Variants in CTNNA3 observed in about 807,000 individuals in gnomAD.
CTNNA3 encodes the protein catenin alpha-3.
CTNNA3 carries 76 observed loss-of-function variants against 95.7 expected under a neutral mutation model. The observed-to-expected ratio is 0.79, with a 90% CI of 0.66 to 0.96. The LOEUF (loss-of-function observed/expected upper bound fraction) is 0.96, where lower values mean the gene tolerates loss of function less well. Among genes scored for constraint, CTNNA3 ranks in the 40% least tolerant of loss-of-function variants. The pLI, the probability that CTNNA3 is intolerant of heterozygous loss-of-function variation, is 0.00. For missense variants in CTNNA3, 1,191 were observed against 1,089.8 expected (o/e 1.09, Z -1.31); for synonymous variants, 431 against 374.4 (o/e 1.15, Z -1.74).
chr10:67,015,895 G>T (rs1852625626), intron 7 of CTNNA3, among the ~76,000 whole-genome samples: 1 of 151,804 alleles, frequency 6.6e-6, no homozygotes. Context: ...CTATGCTTGT[G>T]ACTTTGTTTT....
At chr10:66,528,404 A>G (rs1841344113) in intron 10 of CTNNA3, among the ~76,000 whole-genome samples, 1 of 152,056 alleles carries the variant, frequency 6.6e-6, no homozygotes, top group African/African-American at 2.4e-5. Context: ...GAACATCTAA[A>G]CTACGTTCAG....
At chr10:67,443,198 T>A (rs1239389084) in intron 5 of CTNNA3, among the ~76,000 whole-genome samples, 2 of 151,198 alleles carry the variant, frequency 1.3e-5, no homozygotes, top group African/African-American at 4.9e-5. Context: ...TCTATCGTTG[T>A]TGGACATTTG....
At chr10:66,035,818 T>C (rs1364899591) in intron 15 of CTNNA3, among the ~76,000 whole-genome samples, 1 of 151,978 alleles carries the variant, frequency 6.6e-6, no homozygotes, top group Non-Finnish European at 1.5e-5. Context: ...AAAGATGGAG[T>C]AGAAATGAAA....
intron 9 of CTNNA3, among the ~76,000 whole-genome samples, chr10:66,688,868 G>A (rs1204098728): frequency 2.0e-5 from 3 of 151,702 alleles, no homozygotes; most frequent in Non-Finnish European, 4.4e-5. Flanking sequence ...CAGCTACTGA[G>A]GAGGCTGAGG....
intron 7 of CTNNA3, among the ~76,000 whole-genome samples, chr10:67,073,037 C>T (rs965584166): frequency 3.9e-5 from 6 of 152,188 alleles, no homozygotes; most frequent in South Asian, 4.1e-4. Context: ...AGACACCTTC[C>T]GCCTAGGCCC....
intron 5 of CTNNA3, among the ~76,000 whole-genome samples, chr10:67,357,297 A>T (rs1045064027): frequency 6.6e-6 from 1 of 152,150 alleles, no homozygotes; most frequent in Non-Finnish European, 1.5e-5. Flanking sequence ...ACATGATGTT[A>T]TATCTCCCAG....
chr10:67,077,580 A>C (rs756358033), intron 7 of CTNNA3, among the ~76,000 whole-genome samples: 20 of 152,038 alleles, frequency 1.3e-4, no homozygotes, highest in Non-Finnish European at 2.6e-4. Flanking sequence ...CATTCATCTC[A>C]ACTCTTGTGA....
chr10:66,482,710 TCAGCAAATGTA>T (rs1420372657), intron 11 of CTNNA3, among the ~76,000 whole-genome samples: 17 of 152,170 alleles, frequency 1.1e-4, no homozygotes, highest in Non-Finnish European at 1.5e-5. Flanking sequence ...GTCAAAAACT[TCAGCAAATGTA>T]CAGGCCTAGT....
chr10:67,509,508 A>G (rs183682985), intron 5 of CTNNA3, among the ~76,000 whole-genome samples: 5 of 152,320 alleles, frequency 3.3e-5, no homozygotes, highest in South Asian at 2.1e-4. Flanking sequence ...ATGTCCCTGC[A>G]AAGGACATGA....
chr10:66,373,781 A>G (rs4433467), intron 12 of CTNNA3, among the ~76,000 whole-genome samples: 152,285 of 152,324 alleles, frequency 1, 76,123 homozygotes, highest in Non-Finnish European at 1. Context: ...AGGTTCAGTC[A>G]GATCTTTCAA....
At position 66,093,100 on chromosome 10, in the gene CTNNA3, C is replaced by CAGAT. The variant is rs903022405; in HGVS notation, c.1977+10053_1977+10056dup. Among the ~76,000 whole-genome samples the CAGAT allele has an allele frequency of 5.1e-4, 77 of 151,946 alleles. 1 individual carries two copies. Among genetic ancestry groups the CAGAT allele is most frequent in the African/African-American group, 1.8e-3 (74 of 41,482 alleles). Reference sequence around the variant, plus strand: ...TAAGATATTTGGTAAAAATCTTTCCCAGATTGAAATTTCAAGAAGCATTTA... The same window carrying CAGAT: ...TAAGATATTTGGTAAAAATCTTTCCCAGATAGATTGAAATTTCAAGAAGCATTTA... On this transcript the variant is annotated intron_variant, in intron 14 of 17. Coordinates refer to ENST00000433211, the MANE Select transcript of CTNNA3 (RefSeq NM_013266.4).
chr10:66,199,805 A>ATT (rs1226520776), intron 13 of CTNNA3, among the ~76,000 whole-genome samples: 176 of 14,206 alleles, frequency 0.012, 8 homozygotes, highest in Middle Eastern at 0.05. Context: ...ATATATATAT[A>ATT]TTTTTTTTTT....
intron 9 of CTNNA3, among the ~76,000 whole-genome samples, chr10:66,639,909 T>A (rs1253059879): frequency 6.6e-6 from 1 of 151,850 alleles, no homozygotes; most frequent in Non-Finnish European, 1.5e-5. Flanking sequence ...TAGGTAAGTT[T>A]AAAAAAAAGA....
intron 1 of CTNNA3, among the ~76,000 whole-genome samples, chr10:67,650,671 A>C (rs1216959813): frequency 6.6e-6 from 1 of 152,174 alleles, no homozygotes; most frequent in Non-Finnish European, 1.5e-5. Context: ...TAATTCTGAG[A>C]GGTCATGGGG....
chr10:66,267,598 C>T (rs2091186831), intron 13 of CTNNA3, among the ~76,000 whole-genome samples: 1 of 152,074 alleles, frequency 6.6e-6, no homozygotes, highest in South Asian at 2.1e-4. Flanking sequence ...TTCTTAAAAC[C>T]TAGCACAGTG....
At chr10:66,364,412 T>C (rs542757914) in intron 12 of CTNNA3, among the ~76,000 whole-genome samples, 1 of 151,918 alleles carries the variant, frequency 6.6e-6, no homozygotes, top group South Asian at 2.1e-4. Flanking sequence ...AAAAATTACA[T>C]CGACAAAACA....
At chr10:67,526,728 T>A (rs1383972636) in intron 4 of CTNNA3, among the ~76,000 whole-genome samples, 2 of 152,236 alleles carry the variant, frequency 1.3e-5, no homozygotes, top group East Asian at 3.8e-4. Context: ...TAACAGATTT[T>A]ACAATCTAGC....
At chr10:67,589,724 G>C (rs978964077) in intron 3 of CTNNA3, among the ~76,000 whole-genome samples, 1 of 152,018 alleles carries the variant, frequency 6.6e-6, no homozygotes, top group African/African-American at 2.4e-5. Flanking sequence ...AAAGTTTTTA[G>C]TAGTTGAAAG....
At chr10:66,470,616 G>GAC (rs1451430597) in intron 11 of CTNNA3, among the ~76,000 whole-genome samples, 1 of 151,702 alleles carries the variant, frequency 6.6e-6, no homozygotes, top group Non-Finnish European at 1.5e-5. Context: ...AGAATGGGTA[G>GAC]ACTAATAAAG....
Sources: gnomAD v4.1 joint callset for allele counts (sites outside exome capture counted in the v4.1 genomes callset) on GRCh38, gnomAD v4.1.1 for gene constraint, MANE v1.5 for transcripts, NCBI Gene and HGNC (gene_info 2026-07-23, HGNC 2026-07-21) for gene names.